VPS26C: variants seen among roughly 807,000 people sequenced by gnomAD.
VPS26C encodes the protein vacuolar protein sorting-associated protein 26C.
VPS26C carries 19 observed loss-of-function variants against 30.6 expected under a neutral mutation model. That is an observed-to-expected ratio of 0.62 (90% CI 0.43 to 0.91). The LOEUF (loss-of-function observed/expected upper bound fraction) is 0.91. Among genes scored for constraint, VPS26C ranks in the 40% least tolerant of loss-of-function variants. The probability of loss-of-function intolerance (pLI) is 0.00; values close to 1 mark genes in which losing one functional copy is unlikely to be tolerated. For synonymous variants in VPS26C, 132 were observed against 151.5 expected (o/e 0.87, Z 0.95); for missense variants, 318 against 385.1 (o/e 0.83, Z 1.46).
rs527748046 is a variant in VPS26C at position 37,234,699 on chromosome 21, C to CTAA, written c.352-1260_352-1258dup. Reference sequence around the variant, plus strand: ...ATGCATAACTGAATCTTCCAAGAAGCTAATATTCGTATGAACAACCTGTCC... The same window carrying CTAA: ...ATGCATAACTGAATCTTCCAAGAAGCTAATAATATTCGTATGAACAACCTGTCC... On this transcript the variant is annotated intron_variant, in intron 3 of 7. Transcript: ENST00000309117. 1.5e-3 allele frequency among the ~76,000 whole-genome samples: 231 copies of CTAA among 152,216 alleles called. 2 individuals carry two copies. Among genetic ancestry groups the CTAA allele is most frequent in the African/African-American group, 5.1e-3 (212 of 41,546 alleles).
chr21:37,259,613 G>T (rs1364330601), intron 1 of VPS26C, among the ~76,000 whole-genome samples: 1 of 152,170 alleles, frequency 6.6e-6, no homozygotes, highest in East Asian at 1.9e-4. Context: ...GTAATTTACA[G>T]TGCATTTGAG....
At chr21:37,261,592 T>C (rs1345393762) in intron 1 of VPS26C, 3 of 151,716 alleles carry the variant, frequency 2.0e-5, no homozygotes, top group Non-Finnish European at 4.4e-5. Flanking sequence ...TGTAAGGCTA[T>C]GGGTGACAAG....
At chr21:37,232,234 TA>T in intron 5 of VPS26C, 142 bp downstream of exon 5, 1 of 701,114 alleles carries the variant, frequency 1.4e-6, no homozygotes, top group Non-Finnish European at 2.5e-6. Context: ...AAATGGAAAA[TA>T]CTGAGTAATT....
Position 37,240,553 on chromosome 21 carries a change from G to T in VPS26C, c.144C>A (p.Asn48Lys). 1 of 1,614,148 alleles carries T rather than the reference G, an allele frequency of 6.2e-7. No homozygotes were observed. Among genetic ancestry groups the T allele is most frequent in the Non-Finnish European group, 8.5e-7 (1 of 1,180,028 alleles). Residue 48 changes from asparagine (N) to lysine (K), a missense_variant, in exon 2 of 8, where the codon AAC becomes AAA. Coordinates refer to ENST00000309117, the MANE Select transcript of VPS26C (RefSeq NM_006052.2). ...GVSLTMEGTV[N>K]LQLSAKSVGV... Reference sequence around the variant, plus strand: ...CCACACTTTTGGCACTGAGCTGGAGGTTTACAGTTCCTTCCATGGTCAAAG... The same window carrying T: ...CCACACTTTTGGCACTGAGCTGGAGTTTTACAGTTCCTTCCATGGTCAAAG...
chr21:37,225,684 C>T (rs553160921), intron 7 of VPS26C, 58 bp from the exon 8 acceptor site: 65 of 1,428,294 alleles, frequency 4.6e-5, no homozygotes, highest in Middle Eastern at 2.1e-4. Flanking sequence ...CGAAACCACA[C>T]GCCGCCACCA....
intron 3 of VPS26C, among the ~76,000 whole-genome samples, chr21:37,235,866 T>C (rs1240592641): frequency 9.6e-6 from 1 of 104,320 alleles, no homozygotes. Flanking sequence ...TATATATATA[T>C]ATATATATAT....
rs375877407 is a variant in VPS26C, at chr21:37,255,851, A to ATTTTTTTTTTTTTTTTTTTTT, written c.57+11366_57+11386dup. 1.8e-4 allele frequency among the ~76,000 whole-genome samples: 19 copies of ATTTTTTTTTTTTTTTTTTTTT among 108,460 alleles called. 2 individuals carry two copies. Among genetic ancestry groups the ATTTTTTTTTTTTTTTTTTTTT allele is most frequent in the African/African-American group, 7.3e-4 (16 of 21,888 alleles). 71.2% of individuals were successfully genotyped at this position (108,460 alleles called of 152,430 possible). ...TTTAAAGCCTCATTCTATGCACTGC[A>ATTTTTTTTTTTTTTTTTTTTT]TTTTTTTTTTTTTTTTTTTTTAGAT... On this transcript the variant is annotated intron_variant, in intron 1 of 7. Coordinates refer to ENST00000309117, the MANE Select transcript of VPS26C (RefSeq NM_006052.2).
At chr21:37,244,778 A>T (rs1310848108) in intron 1 of VPS26C, among the ~76,000 whole-genome samples, 1 of 152,174 alleles carries the variant, frequency 6.6e-6, no homozygotes, top group Non-Finnish European at 1.5e-5. Context: ...CTGTTAAAAG[A>T]AGTGAAGACT....
At position 37,227,711 on chromosome 21, in the gene VPS26C, T is replaced by C. The variant is rs758272643; in HGVS notation, c.754A>G (p.Met252Val). The C allele has an allele frequency of 5.0e-6, 8 of 1,614,104 alleles. No individual in the cohort carries two copies. The highest frequency in any genetic ancestry group is 1.6e-4 in the Middle Eastern group (1 of 6,062). The change falls in exon 7 of 8, where the codon ATG (methionine) becomes GTG (valine). Residue 252 changes from methionine to valine, a missense_variant. Transcript: ENST00000309117. ...VCRGLSVPIY[M>V]VFPRLFTCPT... ...CAGGTGAACAGCCTAGGGAAGACCA[T>C]GTAGATGGGGACAGAGAGGCCCCTG...
intron 1 of VPS26C, among the ~76,000 whole-genome samples, chr21:37,264,462 G>A (rs2086338494): frequency 6.6e-6 from 1 of 152,298 alleles, no homozygotes; most frequent in South Asian, 2.1e-4. Flanking sequence ...CTTTTCTAAT[G>A]TACTTTTCAT....
intron 7 of VPS26C, chr21:37,227,280 TAC>T (rs2085909813): frequency 5.2e-6 from 1 of 190,556 alleles, no homozygotes; most frequent in Admixed American, 5.9e-5. Context: ...TGCCCATGTC[TAC>T]ACAGAGCTCA....
chr21:37,225,811 T>C, intron 7 of VPS26C, 185 bp from the exon 8 acceptor site: 1 of 601,232 alleles, frequency 1.7e-6, no homozygotes, highest in Admixed American at 2.8e-5. Flanking sequence ...ATGACTATGC[T>C]GATGTCTGAC....
In VPS26C at chr21:37,240,601, A is replaced by G. The variant is rs1380479615; in HGVS notation, c.96T>C (p.Asp32=). The G allele has an allele frequency of 6.2e-7, 1 of 1,614,196 alleles. No individual in the cohort carries two copies. Among genetic ancestry groups the G allele is most frequent in the Admixed American group, 1.7e-5 (1 of 60,028 alleles). Residue 32 remains aspartate (D), a synonymous_variant, in exon 2 of 8, where the codon GAT becomes GAC. Coordinates refer to ENST00000309117, the MANE Select transcript of VPS26C (RefSeq NM_006052.2). ...AAGACACTCCCTGGTGTTGGACTGA[A>G]TCCTTACTCGATATGACCACCACGC... ...LSGVVVISSK[D]SVQHQGVSLT...
chr21:37,246,477 C>T (rs1258601058), intron 1 of VPS26C, among the ~76,000 whole-genome samples: 1 of 151,834 alleles, frequency 6.6e-6, no homozygotes, highest in Non-Finnish European at 1.5e-5. Context: ...AAAAGTCCTT[C>T]TTGAGGAATG....
chr21:37,265,176 T>G (rs892163183), intron 1 of VPS26C, among the ~76,000 whole-genome samples: 2 of 152,204 alleles, frequency 1.3e-5, no homozygotes, highest in African/African-American at 4.8e-5. Context: ...GGTTTCTTTT[T>G]GGGGTGAAAA....
At chr21:37,228,503 A>G in intron 5 of VPS26C, 130 bp from the exon 6 acceptor site, 1 of 996,672 alleles carries the variant, frequency 1.0e-6, no homozygotes. Flanking sequence ...CGTCTCACAA[A>G]ACGGGAAGAA....
chr21:37,268,090 C>A (rs1015432002), upstream of VPS26C: 26 of 152,278 alleles, frequency 1.7e-4, no homozygotes, highest in African/African-American at 6.3e-4. Context: ...GGCGCTGGGT[C>A]ACCCGCCAGC....
Position 37,225,413 on chromosome 21 carries a change from C to A in VPS26C, c.*131G>T, listed in dbSNP as rs570840332. On this transcript the variant is annotated 3_prime_UTR_variant, in exon 8 of 8. Coordinates refer to ENST00000309117, the MANE Select transcript of VPS26C (RefSeq NM_006052.2). ...GAGGAAGGAAAGTTAATTTGAGGGTCTGTTTCATTTCTGATACAGAATAAT... is the reference window on the plus strand; with the variant it reads ...GAGGAAGGAAAGTTAATTTGAGGGTATGTTTCATTTCTGATACAGAATAAT... 9.6e-5 allele frequency: 72 copies of A among 752,674 alleles called. No homozygotes were observed. Among genetic ancestry groups the A allele is most frequent in the Non-Finnish European group, 1.5e-4 (68 of 439,408 alleles). 46.6% of individuals were successfully genotyped at this position (752,674 alleles called of 1,614,324 possible).
chr21:37,267,827 A>C, upstream of VPS26C: 3 of 156,316 alleles, frequency 1.9e-5, no homozygotes, highest in South Asian at 1.6e-4. Context: ...AGTCTCCTCA[A>C]CTCTAGCCCT....
Sources: gnomAD v4.1 joint callset for allele counts (sites outside exome capture counted in the v4.1 genomes callset) on GRCh38, gnomAD v4.1.1 for gene constraint, MANE v1.5 for transcripts, NCBI Gene and HGNC (gene_info 2026-07-23, HGNC 2026-07-21) for gene names.